GPC6: variants seen among roughly 807,000 people sequenced by gnomAD.
GPC6 encodes the protein glypican-6.
Under a neutral mutation model 55.2 loss-of-function variants are expected in GPC6, and 14 were observed. The ratio of observed to expected loss-of-function variants is 0.25; its 90% CI spans 0.17 to 0.40. The LOEUF is 0.40. Among genes scored for constraint, GPC6 ranks in the 10% least tolerant of loss-of-function variants. The probability of loss-of-function intolerance (pLI) is 1.00; values close to 1 mark genes in which losing one functional copy is unlikely to be tolerated. For missense variants in GPC6, 641 were observed against 708.5 expected (o/e 0.90, Z 1.08); for synonymous variants, 278 against 259.6 (o/e 1.07, Z -0.68).
chr13:93,327,322 C>A (rs1641017413), intron 1 of GPC6, among the ~76,000 whole-genome samples: 1 of 151,972 alleles, frequency 6.6e-6, no homozygotes, highest in African/African-American at 2.4e-5. Flanking sequence ...ATTGTGATAC[C>A]TTTCTTTACT....
chr13:93,969,607 A>G (rs1373134501), intron 3 of GPC6, among the ~76,000 whole-genome samples: 1 of 151,694 alleles, frequency 6.6e-6, no homozygotes, highest in Non-Finnish European at 1.5e-5. Flanking sequence ...TTTTTTTTAC[A>G]CTGTTTAAGA....
At position 94,382,546 on chromosome 13, in the gene GPC6, G is replaced by A; in HGVS notation, c.1285G>A (p.Ala429Thr). The A allele has an allele frequency of 6.2e-7, 1 of 1,614,088 alleles. No individual in the cohort carries two copies. The highest frequency in any genetic ancestry group is 8.5e-7 in the Non-Finnish European group (1 of 1,180,002). ...GGAATGCTGGAACGGGCACAGCAAA[G>A]CCAGGTGAGGGTGACTCGATGTGTG... is the stretch of plus-strand genomic sequence containing the variant. ...EEECWNGHSK[A>T]RYLPEIMNDG... The change falls in exon 7 of 9, where the codon GCC becomes ACC. Residue 429 changes from alanine (A) to threonine (T), a missense_variant. Coordinates refer to ENST00000377047, the MANE Select transcript of GPC6 (RefSeq NM_005708.5).
intron 3 of GPC6, among the ~76,000 whole-genome samples, chr13:93,943,139 G>A (rs1399807431): frequency 2.0e-5 from 3 of 152,038 alleles, no homozygotes; most frequent in Non-Finnish European, 4.4e-5. Context: ...TTAAAGCAAG[G>A]ACAATCATTA....
intron 3 of GPC6, among the ~76,000 whole-genome samples, chr13:93,939,548 GT>G (rs548917362): frequency 1.3e-4 from 19 of 151,474 alleles, no homozygotes; most frequent in African/African-American, 4.1e-4. Context: ...TTAGAGTTAC[GT>G]TTTTTTTCAA....
intron 3 of GPC6, among the ~76,000 whole-genome samples, chr13:93,857,138 G>A (rs1314236040): frequency 6.6e-6 from 1 of 151,480 alleles, no homozygotes; most frequent in Non-Finnish European, 1.5e-5. Context: ...TATTAGAAGG[G>A]GGTATAAAAT....
At chr13:94,252,925 G>T (rs1282476456) in intron 4 of GPC6, among the ~76,000 whole-genome samples, 1 of 150,276 alleles carries the variant, frequency 6.7e-6, no homozygotes. Context: ...GGGGGAGGGG[G>T]ATGGCTGATA....
chr13:93,313,722 A>G (rs1473480445), intron 1 of GPC6, among the ~76,000 whole-genome samples: 1 of 151,958 alleles, frequency 6.6e-6, no homozygotes, highest in Non-Finnish European at 1.5e-5. Context: ...GTGGCTATTC[A>G]CAAGTATGAT....
chr13:94,156,450 C>A (rs1392332673), intron 4 of GPC6, among the ~76,000 whole-genome samples: 1 of 152,080 alleles, frequency 6.6e-6, no homozygotes, highest in East Asian at 1.9e-4. Flanking sequence ...ATAGATACTG[C>A]AAATGCCAAA....
intron 6 of GPC6, among the ~76,000 whole-genome samples, chr13:94,348,468 C>T (rs1379521132): frequency 6.6e-6 from 1 of 152,176 alleles, no homozygotes; most frequent in Non-Finnish European, 1.5e-5. Context: ...TGACAAACTC[C>T]CAGATAAGGC....
chr13:94,086,416 G>A (rs1885283398), intron 4 of GPC6, among the ~76,000 whole-genome samples: 1 of 151,804 alleles, frequency 6.6e-6, no homozygotes. Flanking sequence ...GCACACCCCA[G>A]CCATAGCACC....
At chr13:93,747,782 A>G (rs774200393) in intron 2 of GPC6, among the ~76,000 whole-genome samples, 6 of 152,180 alleles carry the variant, frequency 3.9e-5, no homozygotes, top group Non-Finnish European at 8.8e-5. Flanking sequence ...GATGTGTGAC[A>G]TGCATCTTCA....
At chr13:93,421,488 T>C (rs1876922176) in intron 1 of GPC6, among the ~76,000 whole-genome samples, 1 of 152,224 alleles carries the variant, frequency 6.6e-6, no homozygotes, top group South Asian at 2.1e-4. Flanking sequence ...CTAAAATGAC[T>C]ATTGCTTAGA....
At chr13:94,293,069 A>G (rs1875083334) in intron 5 of GPC6, among the ~76,000 whole-genome samples, 2 of 152,190 alleles carry the variant, frequency 1.3e-5, no homozygotes, top group South Asian at 4.1e-4. Context: ...CAGGGGCAAG[A>G]GCATATTAAA....
intron 1 of GPC6, among the ~76,000 whole-genome samples, chr13:93,493,769 T>G (rs1382918666): frequency 8.1e-6 from 1 of 123,050 alleles, no homozygotes. Flanking sequence ...TCTGCCTTCA[T>G]TTCGTTATGT....
At chr13:93,887,085 G>A (rs931702353) in intron 3 of GPC6, among the ~76,000 whole-genome samples, 1 of 151,820 alleles carries the variant, frequency 6.6e-6, no homozygotes, top group Non-Finnish European at 1.5e-5. Flanking sequence ...AGAAACCACA[G>A]AAAATAGATT....
intron 1 of GPC6, among the ~76,000 whole-genome samples, chr13:93,465,917 G>C (rs1304107532): frequency 6.6e-6 from 1 of 152,056 alleles, no homozygotes; most frequent in Non-Finnish European, 1.5e-5. Flanking sequence ...TTATCAATTT[G>C]CCTAATAATA....
At chr13:94,346,650 G>A (rs1310423905) in intron 6 of GPC6, among the ~76,000 whole-genome samples, 1 of 151,796 alleles carries the variant, frequency 6.6e-6, no homozygotes, top group Non-Finnish European at 1.5e-5. Context: ...GAACCTGGGA[G>A]GCGGAGGTTG....
chr13:94,089,880 A>C (rs1014996836), intron 4 of GPC6, among the ~76,000 whole-genome samples: 1 of 152,110 alleles, frequency 6.6e-6, no homozygotes, highest in Admixed American at 6.6e-5. Context: ...CCTTTAAATG[A>C]GATTGACTGT....
At chr13:94,007,215 A>T (rs1882058395) in intron 3 of GPC6, among the ~76,000 whole-genome samples, 1 of 152,194 alleles carries the variant, frequency 6.6e-6, no homozygotes. Context: ...ATTAATCTGA[A>T]ACTAAGTACT....
Sources: allele counts gnomAD v4.1 joint callset (sites outside exome capture counted in the v4.1 genomes callset), GRCh38; gene constraint gnomAD v4.1.1; transcripts MANE v1.5; gene names NCBI Gene and HGNC (gene_info 2026-07-23, HGNC 2026-07-21).